SOX6: variants seen among roughly 807,000 people sequenced by gnomAD.
SOX6 encodes the protein SRY-box transcription factor 6, also known as transcription factor SOX-6.
In SOX6, 11 loss-of-function variants were observed where a neutral mutation model predicts 97.8. The ratio of observed to expected loss-of-function variants is 0.11; its 90% CI spans 0.07 to 0.19. The LOEUF is 0.19. Among genes scored for constraint, SOX6 ranks in the 10% least tolerant of loss-of-function variants. The probability of loss-of-function intolerance (pLI) is 1.00; values close to 1 mark genes in which losing one functional copy is unlikely to be tolerated. For synonymous variants in SOX6, 360 were observed against 371.4 expected (o/e 0.97, Z 0.35); for missense variants, 810 against 1,039.5 (o/e 0.78, Z 3.04).
chr11:16,731,620 C>G (rs1241118466), intron 2 of SOX6, among the ~76,000 whole-genome samples: 1 of 152,146 alleles, frequency 6.6e-6, no homozygotes, highest in African/African-American at 2.4e-5. Flanking sequence ...CTATTTATGA[C>G]AAACCCACAG....
chr11:16,502,134 A>G (rs1173701676), intron 4 of SOX6, among the ~76,000 whole-genome samples: 1 of 151,118 alleles, frequency 6.6e-6, no homozygotes, highest in African/African-American at 2.5e-5. Flanking sequence ...ATGCAGCCAT[A>G]AAAAATGATG....
intron 4 of SOX6, among the ~76,000 whole-genome samples, chr11:16,548,488 C>A (rs557699953): frequency 6.6e-6 from 1 of 152,110 alleles, no homozygotes; most frequent in Non-Finnish European, 1.5e-5. Flanking sequence ...GGGCCATAGA[C>A]CTAAATATAG....
At chr11:16,235,627 A>T (rs1442754686) in intron 3 of SOX6, among the ~76,000 whole-genome samples, 1 of 152,150 alleles carries the variant, frequency 6.6e-6, no homozygotes. Context: ...CAAAATTCTG[A>T]TAACTTCCTT....
At chr11:16,661,963 C>A (rs756118443) in intron 3 of SOX6, among the ~76,000 whole-genome samples, 5 of 152,214 alleles carry the variant, frequency 3.3e-5, no homozygotes, top group Non-Finnish European at 5.9e-5. Flanking sequence ...TGTAACAGTG[C>A]TGTCATTCAT....
At chr11:16,104,399 G>T (rs150577804) in intron 7 of SOX6, among the ~76,000 whole-genome samples, 253 of 152,002 alleles carry the variant, frequency 1.7e-3, no homozygotes, top group African/African-American at 5.9e-3. Context: ...TTAGACCAAG[G>T]CCCCAAGAGT....
chr11:16,719,573 T>C (rs779458363), intron 2 of SOX6, among the ~76,000 whole-genome samples: 2 of 152,226 alleles, frequency 1.3e-5, no homozygotes, highest in Non-Finnish European at 2.9e-5. Context: ...AAGTTTTCTG[T>C]ACCTTGATAT....
intron 3 of SOX6, among the ~76,000 whole-genome samples, chr11:16,616,076 G>T (rs755955924): frequency 1.3e-5 from 2 of 152,068 alleles, no homozygotes; most frequent in South Asian, 2.1e-4. Context: ...TAAAGCTTGC[G>T]CATTCCTTCA....
In SOX6 at chr11:15,988,981, G is replaced by A. The variant is rs899531939; in HGVS notation, c.1966+16C>T. On this transcript the variant is annotated intron_variant, in intron 14 of 15. Coordinates refer to ENST00000683767, the MANE Select transcript of SOX6 (RefSeq NM_001367873.1). ...GCAGGGGAGAAGATCAGCTTTAGCT[G>A]CACTGCTGCACTCACCTAAGATTTT... 1.2e-6 allele frequency: 2 copies of A among 1,606,086 alleles called. No individual in the cohort carries two copies.
At chr11:16,526,632 A>G (rs1282216954) in intron 4 of SOX6, among the ~76,000 whole-genome samples, 1 of 152,094 alleles carries the variant, frequency 6.6e-6, no homozygotes, top group Non-Finnish European at 1.5e-5. Flanking sequence ...TTAAAGTATA[A>G]TAATAATAAA....
intron 4 of SOX6, among the ~76,000 whole-genome samples, chr11:16,534,649 A>C (rs1861280691): frequency 6.6e-6 from 1 of 152,154 alleles, no homozygotes; most frequent in African/African-American, 2.4e-5. Context: ...ATTATAACTA[A>C]CACCAGTTTC....
At chr11:16,356,595 A>G (rs972486707), upstream of SOX6, among the ~76,000 whole-genome samples, 18 of 152,214 alleles carry the variant, frequency 1.2e-4, no homozygotes, top group Middle Eastern at 3.4e-3. Context: ...GGAATTTGGC[A>G]GGAAAATATA....
chr11:16,380,203 AAGGT>A (rs1857769903), intron 1 of SOX6, among the ~76,000 whole-genome samples: 1 of 152,004 alleles, frequency 6.6e-6, no homozygotes, highest in Admixed American at 6.6e-5. Context: ...TTAAAAAGAA[AAGGT>A]AGGTAGGAGA....
intron 5 of SOX6, among the ~76,000 whole-genome samples, chr11:16,185,901 T>C (rs1414680962): frequency 6.6e-6 from 1 of 152,092 alleles, no homozygotes; most frequent in Non-Finnish European, 1.5e-5. Context: ...ACAGAGCATA[T>C]ATTGCTCTAT....
In SOX6 at chr11:16,114,468, G is replaced by T. The variant is rs184393151; in HGVS notation, c.778-2545C>A. 2.4e-3 allele frequency among the ~76,000 whole-genome samples: 360 copies of T among 152,240 alleles called. 12 individuals are homozygous for T. The highest frequency in any genetic ancestry group is 0.023 in the Admixed American group (356 of 15,280). ...GCACAGTACCTGACATAAAAGTAATGCAATGTCACAGTAAATCCTTGTTAG... is the reference window on the plus strand; with the variant it reads ...GCACAGTACCTGACATAAAAGTAATTCAATGTCACAGTAAATCCTTGTTAG... On this transcript the variant is annotated intron_variant, in intron 6 of 15. Transcript: ENST00000683767.
At chr11:16,061,957 A>G (rs1847967773) in intron 9 of SOX6, among the ~76,000 whole-genome samples, 1 of 151,822 alleles carries the variant, frequency 6.6e-6, no homozygotes, top group Admixed American at 6.6e-5. Context: ...AGACTTAAGA[A>G]AACTCTTCTG....
chr11:16,403,214 C>G (rs1858605297), intron 1 of SOX6, among the ~76,000 whole-genome samples: 1 of 151,600 alleles, frequency 6.6e-6, no homozygotes, highest in Non-Finnish European at 1.5e-5. Context: ...CCTCCTGAGG[C>G]CCAGTCTTAG....
rs564675065 is a variant in SOX6 at position 16,247,865 on chromosome 11, T to C, written c.446-13194A>G. 4.6e-5 allele frequency among the ~76,000 whole-genome samples: 7 copies of C among 152,198 alleles called. No homozygotes were observed. In the East Asian group the frequency reaches 1.4e-3, roughly 29 times the overall value. On this transcript the variant is annotated intron_variant, in intron 3 of 15. Transcript: ENST00000683767. ...CACAGTCCCCAAAGTCTTAACTCAT[T>C]TCACCATTAACTCAAAAGTCTAAGT...
intron 4 of SOX6, among the ~76,000 whole-genome samples, chr11:16,498,764 C>T (rs11512060): frequency 0.27 from 41,591 of 152,038 alleles, 5,928 homozygotes; most frequent in Middle Eastern, 0.31. Context: ...GCTAACTATC[C>T]TAAATATATA....
intron 1 of SOX6, among the ~76,000 whole-genome samples, chr11:16,351,583 C>T (rs975506719): frequency 6.6e-6 from 1 of 152,052 alleles, no homozygotes; most frequent in Non-Finnish European, 1.5e-5. Flanking sequence ...ACTTGAGGCC[C>T]TCCATCCAGA....
Sources: gnomAD v4.1 joint callset for allele counts (sites outside exome capture counted in the v4.1 genomes callset) on GRCh38, gnomAD v4.1.1 for gene constraint, MANE v1.5 for transcripts, NCBI Gene and HGNC (gene_info 2026-07-23, HGNC 2026-07-21) for gene names.